The following CRPPA variants were observed in gnomAD, a reference collection of about 807,000 sequenced individuals.
CRPPA encodes D-ribitol-5-phosphate cytidylyltransferase.
CRPPA carries 43 observed loss-of-function variants against 52.0 expected under a neutral mutation model. The observed-to-expected ratio is 0.83, with a 90% CI of 0.65 to 1.07. CRPPA has a LOEUF of 1.07. Among genes scored for constraint, CRPPA ranks in the 50% least tolerant of loss-of-function variants. The probability of loss-of-function intolerance (pLI) is 0.00; values close to 1 mark genes in which losing one functional copy is unlikely to be tolerated. For synonymous variants in CRPPA, 250 were observed against 203.5 expected (o/e 1.23, Z -1.94); for missense variants, 629 against 551.7 (o/e 1.14, Z -1.40).
At chr7:16,414,059 G>C (rs1788131213) in intron 1 of CRPPA, among the ~76,000 whole-genome samples, 1 of 152,150 alleles carries the variant, frequency 6.6e-6, no homozygotes, top group Admixed American at 6.5e-5. Flanking sequence ...TCCTGTAGAA[G>C]ATTTATAGGG....
intron 2 of CRPPA, among the ~76,000 whole-genome samples, chr7:16,391,154 C>A (rs1396453934): frequency 6.6e-6 from 1 of 152,154 alleles, no homozygotes; most frequent in Non-Finnish European, 1.5e-5. Flanking sequence ...ACAAATTGAA[C>A]TCAAAGTTTT....
At chr7:16,190,562 T>C (rs545555872) in intron 9 of CRPPA, among the ~76,000 whole-genome samples, 37 of 152,334 alleles carry the variant, frequency 2.4e-4, no homozygotes, top group African/African-American at 8.7e-4. Context: ...CGTTGAATTT[T>C]CAAAGATCTC....
intron 8 of CRPPA, among the ~76,000 whole-genome samples, chr7:16,252,271 C>G (rs1783478388): frequency 6.6e-6 from 1 of 152,128 alleles, no homozygotes. Flanking sequence ...TAAATGTAAC[C>G]CATCACATAA....
At chr7:16,368,840 T>C (rs889583139) in intron 3 of CRPPA, among the ~76,000 whole-genome samples, 1 of 152,192 alleles carries the variant, frequency 6.6e-6, no homozygotes, top group Non-Finnish European at 1.5e-5. Context: ...CTTCCAATAA[T>C]TTTTCAGATG....
At chr7:16,270,122 A>G (rs529407968) in intron 6 of CRPPA, 1 of 152,272 alleles carries the variant, frequency 6.6e-6, no homozygotes, top group African/African-American at 2.4e-5. Flanking sequence ...GTTAAAGGCT[A>G]AGACTTGACT....
intron 2 of CRPPA, among the ~76,000 whole-genome samples, chr7:16,401,507 G>T (rs147089404): frequency 3.3e-5 from 5 of 152,178 alleles, no homozygotes; most frequent in African/African-American, 9.7e-5. Flanking sequence ...CAAAGCTGAG[G>T]TAAGAAGGAT....
chr7:16,255,281 G>T (rs947867027), intron 8 of CRPPA, among the ~76,000 whole-genome samples: 1 of 152,104 alleles, frequency 6.6e-6, no homozygotes, highest in Non-Finnish European at 1.5e-5. Context: ...ACTGCTCAAG[G>T]AAATAAAAGA....
At chr7:16,239,348 T>G (rs916273609) in intron 8 of CRPPA, among the ~76,000 whole-genome samples, 3 of 151,850 alleles carry the variant, frequency 2.0e-5, no homozygotes, top group Admixed American at 6.6e-5. Flanking sequence ...CATTTATACA[T>G]GAAGTAATGC....
intron 9 of CRPPA, among the ~76,000 whole-genome samples, chr7:16,142,047 C>A (rs1189179767): frequency 6.6e-6 from 1 of 151,992 alleles, no homozygotes; most frequent in African/African-American, 2.4e-5. Flanking sequence ...TATATGTACA[C>A]GTGAACAGAA....
At chr7:16,292,091 G>A (rs960298275) in intron 5 of CRPPA, among the ~76,000 whole-genome samples, 4 of 151,806 alleles carry the variant, frequency 2.6e-5, no homozygotes, top group African/African-American at 9.7e-5. Context: ...TAGCCATTGT[G>A]TACCAAAATC....
intron 3 of CRPPA, among the ~76,000 whole-genome samples, chr7:16,331,253 C>G (rs1249044539): frequency 6.6e-6 from 1 of 152,176 alleles, no homozygotes; most frequent in Admixed American, 6.5e-5. Flanking sequence ...CCTGCCTCGG[C>G]CTCCCAAAGT....
At chr7:16,103,884 A>C (rs1254213744) in intron 9 of CRPPA, among the ~76,000 whole-genome samples, 1 of 152,220 alleles carries the variant, frequency 6.6e-6, no homozygotes, top group Admixed American at 6.5e-5. Flanking sequence ...AGAAGCAGAA[A>C]GACTGGTTAG....
rs145684017 is a variant in CRPPA, at chr7:16,180,547, T to C, written c.1251+35519A>G. On this transcript the variant is annotated intron_variant, in intron 9 of 9. Coordinates refer to ENST00000407010, the MANE Select transcript of CRPPA (RefSeq NM_001101426.4). ...TGGTTGCTAATTTCTCTAATCTCAT[T>C]ACATGCGCATGTGGCAAGCATTATG... Among the ~76,000 whole-genome samples, 1,097 of 152,180 alleles carry C rather than the reference T, an allele frequency of 7.2e-3. 4 individuals carry two copies. The highest frequency in any genetic ancestry group is 0.012 in the Non-Finnish European group (809 of 67,942).
At chr7:16,281,718 A>G (rs917170459) in intron 5 of CRPPA, among the ~76,000 whole-genome samples, 2 of 152,156 alleles carry the variant, frequency 1.3e-5, no homozygotes, top group Non-Finnish European at 2.9e-5. Context: ...GTAAAAGCCA[A>G]CTGCTTCTTT....
At chr7:16,130,962 T>C (rs772896736) in intron 9 of CRPPA, among the ~76,000 whole-genome samples, 6 of 152,160 alleles carry the variant, frequency 3.9e-5, no homozygotes, top group Non-Finnish European at 7.3e-5. Context: ...GAGGACACAC[T>C]GAGAAGATGA....
intron 9 of CRPPA, among the ~76,000 whole-genome samples, chr7:16,096,997 T>C (rs1419558405): frequency 6.6e-6 from 1 of 152,204 alleles, no homozygotes; most frequent in East Asian, 1.9e-4. Flanking sequence ...TATTTTAAAA[T>C]TTAGTTTTAA....
intron 9 of CRPPA, among the ~76,000 whole-genome samples, chr7:16,152,409 G>T (rs1306340606): frequency 6.6e-6 from 1 of 151,816 alleles, no homozygotes; most frequent in Non-Finnish European, 1.5e-5. Flanking sequence ...CAAGAAAACG[G>T]TAACTACCCC....
chr7:16,210,837 T>A (rs1782114788), intron 9 of CRPPA, among the ~76,000 whole-genome samples: 1 of 152,100 alleles, frequency 6.6e-6, no homozygotes, highest in Non-Finnish European at 1.5e-5. Flanking sequence ...GTAGCTTCTT[T>A]TATCCAGAAA....
intron 9 of CRPPA, among the ~76,000 whole-genome samples, chr7:16,137,211 C>T (rs111708766): frequency 3.7e-4 from 57 of 152,184 alleles, no homozygotes; most frequent in African/African-American, 9.7e-4. Context: ...AAAGCTGCCT[C>T]GCTTATCTTC....
Sources: gnomAD v4.1 joint callset for allele counts (sites outside exome capture counted in the v4.1 genomes callset) on GRCh38, gnomAD v4.1.1 for gene constraint, MANE v1.5 for transcripts, NCBI Gene and HGNC (gene_info 2026-07-23, HGNC 2026-07-21) for gene names.